FAT3: variants seen among roughly 807,000 people sequenced by gnomAD.
FAT3 encodes FAT atypical cadherin 3.
FAT3 carries 95 observed loss-of-function variants against 310.2 expected under a neutral mutation model. The ratio of observed to expected loss-of-function variants is 0.31; its 90% CI spans 0.26 to 0.36. FAT3 has a LOEUF of 0.36. FAT3 is among the 10% of genes least tolerant of loss of function. FAT3 has a pLI of 1.00. For synonymous variants in FAT3, 2,314 were observed against 2,192.9 expected (o/e 1.06, Z -1.54); for missense variants, 5,408 against 5,715.6 (o/e 0.95, Z 1.74).
In FAT3 at chr11:92,892,210, T is replaced by C. The variant is rs190737471; in HGVS notation, c.*1097T>C. The C allele has an allele frequency of 3.3e-5, 5 of 152,192 alleles. No homozygotes were observed. The highest frequency in any genetic ancestry group is 3.9e-4 in the East Asian group (2 of 5,188). The allele number at this position is 152,192 out of a possible 1,614,324, so 9.4% of individuals were successfully genotyped here. A position where few individuals can be genotyped will look rare whatever the true frequency, so the allele number is the denominator to read the frequency against. Reference sequence around the variant, plus strand: ...GTGTGTCTGGGCCTATGTACAAATATGTGCTTGCACTCAGTAAGGCTGCTC... The same window carrying C: ...GTGTGTCTGGGCCTATGTACAAATACGTGCTTGCACTCAGTAAGGCTGCTC... On this transcript the variant is annotated 3_prime_UTR_variant, in exon 28 of 28. Transcript: ENST00000525166.
intron 1 of FAT3, among the ~76,000 whole-genome samples, chr11:92,322,191 A>G (rs1287953496): frequency 6.6e-6 from 1 of 152,212 alleles, no homozygotes; most frequent in Non-Finnish European, 1.5e-5. Context: ...AATAAAGCAA[A>G]TCATGCAAAA....
intron 2 of FAT3, 56 bp downstream of exon 2, chr11:92,355,460 A>G: frequency 1.3e-6 from 2 of 1,517,588 alleles, no homozygotes; most frequent in Non-Finnish European, 1.8e-6. Flanking sequence ...AATGGTCAAC[A>G]GTGGAAAAGT....
intron 22 of FAT3, among the ~76,000 whole-genome samples, chr11:92,877,288 G>A (rs1250420545): frequency 6.6e-6 from 1 of 152,156 alleles, no homozygotes; most frequent in Non-Finnish European, 1.5e-5. Context: ...GAGAGATGGG[G>A]AAAAGAGCTT....
At chr11:92,341,396 A>G (rs1235062093) in intron 1 of FAT3, among the ~76,000 whole-genome samples, 1 of 152,100 alleles carries the variant, frequency 6.6e-6, no homozygotes, top group East Asian at 1.9e-4. Context: ...TGGTCTCATT[A>G]GCACTGAGTA....
intron 4 of FAT3, among the ~76,000 whole-genome samples, chr11:92,741,295 C>T (rs892522629): frequency 2.6e-5 from 4 of 152,158 alleles, no homozygotes; most frequent in African/African-American, 7.2e-5. Flanking sequence ...CCCACCACCA[C>T]CTCACAAATT....
chr11:92,748,053 A>C (rs1945724386), intron 4 of FAT3, among the ~76,000 whole-genome samples: 1 of 152,168 alleles, frequency 6.6e-6, no homozygotes, highest in Non-Finnish European at 1.5e-5. Context: ...ACCTGGCATC[A>C]ATTTATTGTA....
intron 3 of FAT3, among the ~76,000 whole-genome samples, chr11:92,670,799 G>A (rs946879160): frequency 6.6e-6 from 1 of 152,172 alleles, no homozygotes; most frequent in African/African-American, 2.4e-5. Flanking sequence ...TGAACATATT[G>A]TCTGGACATA....
At chr11:92,525,379 C>A (rs1299895289) in intron 3 of FAT3, among the ~76,000 whole-genome samples, 1 of 152,146 alleles carries the variant, frequency 6.6e-6, no homozygotes, top group African/African-American at 2.4e-5. Context: ...GATGTTTTTG[C>A]GATTCCTGTA....
chr11:92,315,479 G>GTGTGTA (rs1555009286), intron 1 of FAT3, among the ~76,000 whole-genome samples: 5 of 65,190 alleles, frequency 7.7e-5, no homozygotes, highest in East Asian at 5.9e-4. Flanking sequence ...GTGTGTGTGT[G>GTGTGTA]TATATATATA....
rs2136414247 is a variant in FAT3 at position 92,883,123 on chromosome 11, C to G, written c.12667C>G (p.Gln4223Glu). The G allele has an allele frequency of 6.2e-7, 1 of 1,613,804 alleles. No homozygotes were observed. Among genetic ancestry groups the G allele is most frequent in the Non-Finnish European group, 8.5e-7 (1 of 1,179,890 alleles). ...CAGTGGGGACGGCCGCAACGTCTAC[C>G]AGGAGGTGGGGCCCCCGCAGGTCCC... ...RGSGDGRNVY[Q>E]EVGPPQVPVR... is the part of the protein sequence containing the mutation. The change falls in exon 24 of 28, where the codon CAG (glutamine) becomes GAG (glutamate). Residue 4223 changes from glutamine to glutamate, a missense_variant. This residue lies in a region of FAT3 where 649 missense variants were observed against 666.2 expected (regional missense o/e 0.97). Coordinates refer to ENST00000525166, the MANE Select transcript of FAT3 (RefSeq NM_001367949.2). The surrounding 1 kb of genome is among the most constrained non-coding windows in gnomAD (Gnocchi z 4.2).
At chr11:92,559,263 T>G (rs555154651) in intron 3 of FAT3, 1 of 158,252 alleles carries the variant, frequency 6.3e-6, no homozygotes, top group African/African-American at 2.4e-5. Context: ...AGAACACTTA[T>G]ATCACCTCAA....
At chr11:92,548,435 C>T (rs1954688923) in intron 3 of FAT3, among the ~76,000 whole-genome samples, 4 of 152,140 alleles carry the variant, frequency 2.6e-5, no homozygotes, top group African/African-American at 4.8e-5. Flanking sequence ...CTTAGGCTTC[C>T]CTTTCAGTCC....
chr11:92,246,785 T>C (rs921563284), intron 1 of FAT3, among the ~76,000 whole-genome samples: 1 of 152,096 alleles, frequency 6.6e-6, no homozygotes, highest in Non-Finnish European at 1.5e-5. Flanking sequence ...CACACTGTTA[T>C]ATGGAACTTC....
chr11:92,585,622 C>T (rs1939101220), intron 3 of FAT3, among the ~76,000 whole-genome samples: 2 of 151,972 alleles, frequency 1.3e-5, no homozygotes, highest in African/African-American at 4.8e-5. Context: ...AAGATGGATA[C>T]ATGATTGTTG....
At position 92,892,412 on chromosome 11, in the gene FAT3, CT is replaced by C. The variant is rs10709262; in HGVS notation, c.*1313del. ...GTACTGCCAATAAAGCAAAATTGTG[CT>C]TTTTTTTTTTTTTCTCAAGACAGAG... On this transcript the variant is annotated 3_prime_UTR_variant, in exon 28 of 28. Transcript: ENST00000525166. 0.46 allele frequency: 66,631 copies of C among 144,428 alleles called. 15,351 individuals are homozygous for C. Among genetic ancestry groups the C allele is most frequent in the South Asian group, 0.58 (2,643 of 4,554 alleles). 8.9% of individuals were successfully genotyped at this position (144,428 alleles called of 1,614,324 possible). A position where few individuals can be genotyped will look rare whatever the true frequency, so the allele number is the denominator to read the frequency against.
At chr11:92,777,302 A>T (rs1337603776) in intron 7 of FAT3, among the ~76,000 whole-genome samples, 1 of 152,208 alleles carries the variant, frequency 6.6e-6, no homozygotes, top group African/African-American at 2.4e-5. Flanking sequence ...CAAATAAATC[A>T]GATCCTCAGT....
chr11:92,314,334 A>G, intron 1 of FAT3: 1 of 962,928 alleles, frequency 1.0e-6, no homozygotes, highest in Non-Finnish European at 1.2e-6. Flanking sequence ...AAACAAATAC[A>G]AATTTGATAA....
chr11:92,303,294 A>G (rs1242223739), intron 1 of FAT3, among the ~76,000 whole-genome samples: 1 of 152,040 alleles, frequency 6.6e-6, no homozygotes, highest in Non-Finnish European at 1.5e-5. Flanking sequence ...CTAGTTTTTA[A>G]ATTTTGTTGC....
At chr11:92,501,864 A>G (rs954069739) in intron 2 of FAT3, among the ~76,000 whole-genome samples, 2 of 151,938 alleles carry the variant, frequency 1.3e-5, no homozygotes, top group Non-Finnish European at 2.9e-5. Flanking sequence ...ATTCAGTCCA[A>G]ATGAATACAG....
Sources: gnomAD v4.1 joint callset for allele counts (sites outside exome capture counted in the v4.1 genomes callset) on GRCh38, gnomAD v4.1.1 for gene constraint, gnomAD v4.1.1 regional missense constraint, Gnocchi (gnomAD v3.1) non-coding constraint, MANE v1.5 for transcripts, NCBI Gene and HGNC (gene_info 2026-07-23, HGNC 2026-07-21) for gene names.